The following MTUS2 variants were observed in gnomAD, a reference collection of about 807,000 sequenced individuals.
MTUS2 encodes microtubule associated scaffold protein 2.
MTUS2 carries 40 observed loss-of-function variants against 114.1 expected under a neutral mutation model. That is an observed-to-expected ratio of 0.35 (90% confidence interval 0.27 to 0.46). MTUS2 has a LOEUF of 0.46. MTUS2 is among the 20% of genes least tolerant of loss of function. The pLI is 1.00. For missense variants in MTUS2, 1,679 were observed against 1,705.4 expected (o/e 0.98, Z 0.27); for synonymous variants, 688 against 672.0 (o/e 1.02, Z -0.37).
At chr13:29,291,183 T>C (rs1898697393) in intron 6 of MTUS2, among the ~76,000 whole-genome samples, 1 of 152,092 alleles carries the variant, frequency 6.6e-6, no homozygotes, top group Non-Finnish European at 1.5e-5. Context: ...GCCCGCCTGG[T>C]AGAGGCAGCT....
chr13:29,065,165 A>T (rs955801784), intron 4 of MTUS2, among the ~76,000 whole-genome samples: 5 of 152,198 alleles, frequency 3.3e-5, no homozygotes, highest in Admixed American at 1.3e-4. Context: ...GCTGGGTTGA[A>T]TGGTAGTTCT....
At chr13:29,459,569 T>G (rs1000103036) in intron 9 of MTUS2, among the ~76,000 whole-genome samples, 2 of 152,120 alleles carry the variant, frequency 1.3e-5, no homozygotes, top group African/African-American at 4.8e-5. Flanking sequence ...CCTCCCTGAT[T>G]AAAATCTGTC....
chr13:29,084,071 A>G (rs1209957566), intron 4 of MTUS2, among the ~76,000 whole-genome samples: 1 of 152,108 alleles, frequency 6.6e-6, no homozygotes, highest in African/African-American at 2.4e-5. Context: ...ATAGGGGGTA[A>G]TTTGTTTAAA....
At chr13:29,029,742 T>C (rs1263752333) in intron 3 of MTUS2, among the ~76,000 whole-genome samples, 1 of 152,150 alleles carries the variant, frequency 6.6e-6, no homozygotes, top group South Asian at 2.1e-4. Context: ...CACGTGTGCA[T>C]TGATCACGTG....
chr13:28,905,699 A>G (rs1198254581), intron 2 of MTUS2, among the ~76,000 whole-genome samples: 1 of 151,602 alleles, frequency 6.6e-6, no homozygotes, highest in Admixed American at 6.6e-5. Context: ...CATCAAGGAT[A>G]TTGGTCTAAA....
At chr13:29,036,549 A>G (rs1887083351) in intron 4 of MTUS2, among the ~76,000 whole-genome samples, 1 of 152,156 alleles carries the variant, frequency 6.6e-6, no homozygotes, top group Non-Finnish European at 1.5e-5. Flanking sequence ...GCTGAGTTCA[A>G]ATCCTGAATA....
chr13:29,169,900 G>A (rs1245638672), intron 5 of MTUS2, among the ~76,000 whole-genome samples: 6 of 152,132 alleles, frequency 3.9e-5, no homozygotes, highest in South Asian at 2.1e-4. Flanking sequence ...CTATTGCCTC[G>A]CCTAGCTAAG....
At chr13:29,213,142 A>G (rs1460421194) in intron 5 of MTUS2, among the ~76,000 whole-genome samples, 2 of 152,258 alleles carry the variant, frequency 1.3e-5, no homozygotes, top group Admixed American at 6.5e-5. Context: ...AGCAAAGTGC[A>G]AGGCTTTTAG....
In MTUS2 at chr13:29,025,357, T is replaced by C. The variant is rs764699432; in HGVS notation, c.659T>C (p.Leu220Ser). Residue 220 changes from leucine (L) to serine (S), a missense_variant, in exon 3 of 16, where the codon TTG (leucine) becomes TCG (serine). By Grantham distance (145) the Leu-to-Ser change is moderately radical. This residue lies in a region of MTUS2 where 843 missense variants were observed against 770.8 expected (regional missense o/e 1.09). Coordinates refer to ENST00000612955, the MANE Select transcript of MTUS2 (RefSeq NM_001033602.4). ...PGGGEGPQKT[L>S]PDHAVPAAFP... ...GGTGGGGAGGGGCCACAGAAGACAT[T>C]GCCAGACCACGCTGTCCCGGCAGCT... 1 of 1,613,656 alleles carries C rather than the reference T, an allele frequency of 6.2e-7. No homozygotes were observed. The highest frequency in any genetic ancestry group is 2.2e-5 in the East Asian group (1 of 44,850).
At chr13:29,439,919 C>T in intron 8 of MTUS2, 64 bp from the exon 9 acceptor site, 1 of 1,200,736 alleles carries the variant, frequency 8.3e-7, no homozygotes, top group Non-Finnish European at 1.2e-6. Context: ...ATTAATTAAT[C>T]ATGTGAAAGT....
chr13:29,060,908 C>A (rs1888387943), intron 4 of MTUS2, among the ~76,000 whole-genome samples: 1 of 148,456 alleles, frequency 6.7e-6, no homozygotes, highest in Admixed American at 6.9e-5. Flanking sequence ...TCAGGTGATT[C>A]TCCTGCCTCA....
intron 5 of MTUS2, among the ~76,000 whole-genome samples, chr13:29,114,660 A>T (rs1453830704): frequency 6.6e-6 from 1 of 152,126 alleles, no homozygotes; most frequent in African/African-American, 2.4e-5. Flanking sequence ...GTAGGGAATA[A>T]CTGAGAAGGG....
intron 2 of MTUS2, among the ~76,000 whole-genome samples, chr13:28,989,646 G>A (rs957176526): frequency 6.6e-6 from 1 of 152,192 alleles, no homozygotes; most frequent in African/African-American, 2.4e-5. Context: ...GCCCACAGGA[G>A]GCTGGATGGG....
intron 5 of MTUS2, among the ~76,000 whole-genome samples, chr13:29,131,536 C>T (rs965862598): frequency 2.0e-5 from 3 of 152,240 alleles, no homozygotes; most frequent in African/African-American, 7.2e-5. Context: ...TTCACATGGC[C>T]ATGGCAATGG....
intron 7 of MTUS2, among the ~76,000 whole-genome samples, chr13:29,335,709 C>T (rs9579344): frequency 0.19 from 28,590 of 152,092 alleles, 2,775 homozygotes; most frequent in Middle Eastern, 0.22. Flanking sequence ...TGTGAATTAT[C>T]GGGGGCGGGT....
chr13:29,151,121 A>G (rs2139039590), intron 5 of MTUS2, among the ~76,000 whole-genome samples: 1 of 152,288 alleles, frequency 6.6e-6, no homozygotes, highest in Non-Finnish European at 1.5e-5. Flanking sequence ...GAATCTACAG[A>G]TTGCTTTGGG....
At chr13:29,105,908 G>T (rs763536014) in intron 5 of MTUS2, among the ~76,000 whole-genome samples, 2 of 152,032 alleles carry the variant, frequency 1.3e-5, no homozygotes, top group Non-Finnish European at 2.9e-5. Context: ...GTAGGGGAGC[G>T]GTGCTGTTGG....
chr13:29,292,282 G>A (rs761636830), intron 6 of MTUS2, among the ~76,000 whole-genome samples: 2 of 152,140 alleles, frequency 1.3e-5, no homozygotes, highest in Non-Finnish European at 2.9e-5. Context: ...CTCAATTACC[G>A]TCACCCCCTG....
chr13:28,870,891 C>CT (rs1449199177), intron 2 of MTUS2, among the ~76,000 whole-genome samples: 1 of 152,130 alleles, frequency 6.6e-6, no homozygotes, highest in Non-Finnish European at 1.5e-5. Flanking sequence ...AATTCTGCCT[C>CT]TATTTATAAA....
Sources: allele counts gnomAD v4.1 joint callset (sites outside exome capture counted in the v4.1 genomes callset), GRCh38; gene constraint gnomAD v4.1.1; regional missense constraint gnomAD v4.1.1; transcripts MANE v1.5; gene names NCBI Gene and HGNC (gene_info 2026-07-23, HGNC 2026-07-21).